PLEKHG1: variants seen among roughly 807,000 people sequenced by gnomAD.
PLEKHG1 encodes pleckstrin homology domain-containing family G member 1.
Under a neutral mutation model 100.8 loss-of-function variants are expected in PLEKHG1, and 44 were observed. The ratio of observed to expected loss-of-function variants is 0.44; its 90% CI spans 0.34 to 0.56. The LOEUF (loss-of-function observed/expected upper bound fraction) is 0.56, where lower values mean the gene tolerates loss of function less well. Ranked by LOEUF, PLEKHG1 falls within the 20% of genes least tolerant of loss-of-function variation. The pLI is 0.01. For missense variants in PLEKHG1, 1,545 were observed against 1,720.9 expected (o/e 0.90, Z 1.81); for synonymous variants, 640 against 662.5 (o/e 0.97, Z 0.52).
intron 1 of PLEKHG1, among the ~76,000 whole-genome samples, chr6:150,636,723 TTAG>T (rs1353477241): frequency 4.6e-4 from 70 of 152,212 alleles, no homozygotes; most frequent in African/African-American, 1.3e-3. Context: ...CTGTTAGAAG[TTAG>T]ATACCTTGTG....
intron 10 of PLEKHG1, among the ~76,000 whole-genome samples, chr6:150,815,405 G>A (rs980093702): frequency 6.6e-6 from 1 of 152,190 alleles, no homozygotes; most frequent in Admixed American, 6.5e-5. Flanking sequence ...CAGATACCAG[G>A]GAACTTCTTG....
intron 3 of PLEKHG1, among the ~76,000 whole-genome samples, chr6:150,770,314 G>T (rs946688200): frequency 6.6e-6 from 1 of 152,150 alleles, no homozygotes; most frequent in East Asian, 1.9e-4. Flanking sequence ...CCAACACCTA[G>T]CACAAGCCTG....
chr6:150,840,835 A>G (rs1777495519), exon 16 of PLEKHG1: 4 of 1,614,136 alleles, frequency 2.5e-6, no homozygotes, highest in Non-Finnish European at 3.4e-6. Flanking sequence ...CCCAATCAAC[A>G]AAATATTGTC....
exon 6 of PLEKHG1, chr6:150,800,812 G>C (rs777806249): frequency 1.2e-6 from 2 of 1,613,868 alleles, no homozygotes; most frequent in East Asian, 2.2e-5. Context: ...CGCTGCCTCT[G>C]GGGTCCTATC....
chr6:150,612,024 C>T (rs1178985788), intron 1 of PLEKHG1, among the ~76,000 whole-genome samples: 1 of 145,260 alleles, frequency 6.9e-6, no homozygotes, highest in East Asian at 2.0e-4. Flanking sequence ...TCCAGACCTA[C>T]TTTCAGCTTC....
intron 14 of PLEKHG1, chr6:150,827,701 C>G: frequency 1.3e-5 from 15 of 1,129,124 alleles, no homozygotes; most frequent in Non-Finnish European, 9.5e-6. Context: ...GGAATGACAT[C>G]TTACGCAAAA....
upstream of PLEKHG1, among the ~76,000 whole-genome samples, chr6:150,717,977 C>A (rs1323119920): frequency 6.6e-6 from 1 of 152,084 alleles, no homozygotes; most frequent in Non-Finnish European, 1.5e-5. Flanking sequence ...ACTCAGGAGG[C>A]TGAGGTGGCA....
chr6:150,832,148 A>C, exon 15 of PLEKHG1: 1 of 1,612,892 alleles, frequency 6.2e-7, no homozygotes, highest in African/African-American at 1.3e-5. Context: ...TCAGAAATCC[A>C]TGCACAAAGA....
At chr6:150,599,898 A>G in exon 1 of PLEKHG1, 1 of 186,358 alleles carries the variant, frequency 5.4e-6, no homozygotes, top group South Asian at 8.2e-5. Flanking sequence ...CCTGAGCCCG[A>G]GCCCGAGCCC....
intron 3 of PLEKHG1, among the ~76,000 whole-genome samples, chr6:150,697,452 G>C (rs560486508): frequency 2.0e-5 from 3 of 152,306 alleles, no homozygotes; most frequent in African/African-American, 4.8e-5. Context: ...AACCCTGAGT[G>C]GGGGAGATTT....
At chr6:150,807,631 G>A (rs572551657) in intron 7 of PLEKHG1, among the ~76,000 whole-genome samples, 15 of 152,248 alleles carry the variant, frequency 9.9e-5, no homozygotes, top group Non-Finnish European at 1.9e-4. Context: ...AACGGGGAGT[G>A]GGGCAAGTGG....
chr6:150,718,027 G>A (rs139761283), upstream of PLEKHG1, among the ~76,000 whole-genome samples: 1,588 of 152,294 alleles, frequency 0.01, 32 homozygotes, highest in African/African-American at 0.037. Context: ...GCAGTAGGCC[G>A]AGATAGTGAC....
intron 2 of PLEKHG1, among the ~76,000 whole-genome samples, chr6:150,645,192 G>A (rs1023412643): frequency 6.6e-6 from 1 of 152,174 alleles, no homozygotes; most frequent in African/African-American, 2.4e-5. Context: ...ATCCTGATAT[G>A]TAACAGAGGT....
At position 150,831,855 on chromosome 6, in the gene PLEKHG1, G is replaced by A. The variant is rs761570835; in HGVS notation, c.2744G>A (p.Cys915Tyr). The A allele has an allele frequency of 6.2e-7, 1 of 1,613,318 alleles. No homozygotes were observed. ...GCTGGCAGAGCCAGCCGCGCCAACT[G>A]CCCCTTTGAGGAAGACCTGATTTCT... The change falls in exon 15 of 16, where the codon TGC (cysteine) becomes TAC (tyrosine). Residue 915 changes from cysteine (C) to tyrosine (Y), a missense_variant. Coordinates refer to ENST00000358517, the Ensembl canonical transcript of PLEKHG1. This position sits in a 1 kb window ranked among gnomAD's most constrained non-coding sequence, Gnocchi z 4.1.
At chr6:150,840,000 A>G in exon 16 of PLEKHG1, 5 of 1,614,076 alleles carry the variant, frequency 3.1e-6, no homozygotes, top group Non-Finnish European at 4.2e-6. Context: ...TCTGCATTCA[A>G]CCTATAGTAA....
In PLEKHG1 at chr6:150,612,054, C is replaced by A. The variant is rs1004529049; in HGVS notation, c.-204+12037C>A. Among the ~76,000 whole-genome samples the A allele has an allele frequency of 2.3e-4, 24 of 105,974 alleles. 2 individuals are homozygous for A. Among genetic ancestry groups the A allele is most frequent in the Admixed American group, 8.6e-4 (10 of 11,604 alleles). 69.5% of individuals were successfully genotyped at this position (105,974 alleles called of 152,430 possible). On this transcript the variant is annotated intron_variant, in intron 1 of 3. Transcript: ENST00000367326. The stretch of plus-strand genomic sequence containing the variant: ...AGCTTCCTGGTGTTGTTCCCCCCCC[C>A]CCCCCCTTTTCTAGTTCTTAGTTAA...
intron 2 of PLEKHG1, among the ~76,000 whole-genome samples, chr6:150,761,103 T>C (rs111533227): frequency 1.2e-4 from 8 of 65,278 alleles, no homozygotes; most frequent in African/African-American, 7.1e-4. Context: ...TTTTTTCTTT[T>C]TTTTTTTTTT....
chr6:150,691,900 T>G (rs1780360104), intron 3 of PLEKHG1, among the ~76,000 whole-genome samples: 1 of 152,232 alleles, frequency 6.6e-6, no homozygotes, highest in South Asian at 2.1e-4. Flanking sequence ...ACTGAACCAC[T>G]GTAAGTTCTA....
In PLEKHG1 at chr6:150,762,189, TTCTC is replaced by T. The variant is rs889416009; in HGVS notation, c.412-6445_412-6442del. On this transcript the variant is annotated intron_variant, in intron 2 of 15. Transcript: ENST00000358517. ...CTTCCCCCTTTGTCTTCCCCTTTCT[TTCTC>T]TCTTTTTCTTTTTTTTTTTTGAGTC... Among the ~76,000 whole-genome samples, 6 of 150,596 alleles carry T rather than the reference TTCTC, an allele frequency of 4.0e-5. No homozygotes were observed. The South Asian group carries it at 1.3e-3, about 32-fold the overall frequency.
Sources: gnomAD v4.1 joint callset for allele counts (sites outside exome capture counted in the v4.1 genomes callset) on GRCh38, gnomAD v4.1.1 for gene constraint, Gnocchi (gnomAD v3.1) non-coding constraint, MANE v1.5 for transcripts, NCBI Gene and HGNC (gene_info 2026-07-23, HGNC 2026-07-21) for gene names.